Variants in DHX15 observed in about 807,000 individuals in gnomAD.
DHX15 encodes the protein DEAH-box helicase 15, also known as ATP-dependent RNA helicase DHX15.
A neutral mutation model predicts 94.4 loss-of-function variants in DHX15; 11 were observed. That is an observed-to-expected ratio of 0.12 (90% CI 0.07 to 0.19). The LOEUF (loss-of-function observed/expected upper bound fraction) is 0.19, where lower values mean the gene tolerates loss of function less well. Among genes scored for constraint, DHX15 ranks in the 10% least tolerant of loss-of-function variants. The probability of loss-of-function intolerance (pLI) is 1.00; values close to 1 mark genes in which losing one functional copy is unlikely to be tolerated. For synonymous variants in DHX15, 338 were observed against 329.9 expected, an observed-to-expected ratio of 1.02 and a Z score of -0.27; for missense variants, 304 against 988.5, an observed-to-expected ratio of 0.31 and a Z score of 9.29.
intron 9 of DHX15, 101 bp downstream of exon 9, chr4:24,540,739 G>A: frequency 1.6e-6 from 1 of 641,150 alleles, no homozygotes; most frequent in East Asian, 3.0e-5. Context: ...GATGGAAAAA[G>A]CAAAATGTAT....
chr4:24,541,217 T>C (rs1303583171), intron 8 of DHX15, among the ~76,000 whole-genome samples: 2 of 152,096 alleles, frequency 1.3e-5, no homozygotes, highest in East Asian at 1.9e-4. Flanking sequence ...AACTCGCAAT[T>C]TCCATGGTTT....
intron 2 of DHX15, among the ~76,000 whole-genome samples, chr4:24,573,111 A>G (rs1722159867): frequency 6.6e-6 from 1 of 152,122 alleles, no homozygotes; most frequent in East Asian, 1.9e-4. Flanking sequence ...GGGTTTCACC[A>G]TATTGGCCAG....
rs574253702 is a variant in DHX15 at position 24,552,187 on chromosome 4, G to A, written c.1080+2538C>T. 4.6e-5 allele frequency among the ~76,000 whole-genome samples: 7 copies of A among 152,260 alleles called. No individual in the cohort carries two copies. The South Asian group carries it at 1.2e-3, about 27-fold the overall frequency. ...AGAAACAGGTAGTGGAGGAAAAGAA[G>A]TTTCAACAGCAGCCATCTGCTTAGT... On this transcript the variant is annotated intron_variant, in intron 5 of 13. Transcript: ENST00000336812.
intron 3 of DHX15, among the ~76,000 whole-genome samples, chr4:24,558,835 A>G (rs1025336272): frequency 2.6e-5 from 4 of 152,170 alleles, no homozygotes; most frequent in Admixed American, 6.5e-5. Context: ...CAACTTTTCC[A>G]GACTCTCAAA....
intron 10 of DHX15, chr4:24,538,413 A>G (rs1449906206): frequency 6.6e-6 from 1 of 152,144 alleles, no homozygotes; most frequent in East Asian, 1.9e-4. Context: ...GTAATTCATA[A>G]AAGCACACAA....
chr4:24,539,670 G>T (rs1261918611), intron 10 of DHX15: 1 of 152,306 alleles, frequency 6.6e-6, no homozygotes, highest in Non-Finnish European at 1.5e-5. Context: ...GGTGCCATTG[G>T]AGTACATATA....
Position 24,568,938 on chromosome 4 carries a change from T to G in DHX15, c.701+1716A>C, listed in dbSNP as rs1459519567. 1.3e-5 allele frequency among the ~76,000 whole-genome samples: 2 copies of G among 152,214 alleles called. 1 individual carries two copies. On this transcript the variant is annotated intron_variant, in intron 3 of 13. Transcript: ENST00000336812. ...AAGATTAAGGTTTAAGCCAAAAATA[T>G]GTCCCATAAAGTCATAAGGATAAGC... is the stretch of plus-strand genomic sequence containing the variant.
intron 2 of DHX15, among the ~76,000 whole-genome samples, chr4:24,571,461 C>A (rs1430278022): frequency 6.6e-6 from 1 of 152,210 alleles, no homozygotes; most frequent in Non-Finnish European, 1.5e-5. Flanking sequence ...TCGTTAAGGG[C>A]AGCCAAAGGG....
intron 1 of DHX15, among the ~76,000 whole-genome samples, chr4:24,581,612 T>C (rs1179677148): frequency 6.6e-6 from 1 of 152,184 alleles, no homozygotes; most frequent in Admixed American, 6.5e-5. Flanking sequence ...CCATACAGGA[T>C]TGTAGTGAAA....
intron 10 of DHX15, chr4:24,538,243 G>C (rs1470922751): frequency 6.6e-6 from 1 of 152,136 alleles, no homozygotes; most frequent in East Asian, 1.9e-4. Context: ...GGTTCGGATA[G>C]AAGATAATGG....
At chr4:24,558,727 A>G (rs1721797137) in intron 3 of DHX15, among the ~76,000 whole-genome samples, 1 of 152,166 alleles carries the variant, frequency 6.6e-6, no homozygotes, top group African/African-American at 2.4e-5. Flanking sequence ...TGTACAATGA[A>G]TAATTTCAAG....
chr4:24,584,378 G>T lies in DHX15; in HGVS notation c.16C>A (p.Arg6=). The T allele has an allele frequency of 6.2e-7, 1 of 1,612,806 alleles. No individual in the cohort carries two copies. Among genetic ancestry groups the T allele is most frequent in the Non-Finnish European group, 8.5e-7 (1 of 1,179,500 alleles). Residue 6 remains arginine (R), a synonymous_variant, in exon 1 of 14, where the codon CGG becomes AGG. Transcript: ENST00000336812. MSKRH[R]LDLGEDYPSG... Reference sequence around the variant, plus strand: ...GGGTAATCCTCCCCTAGGTCCAACCGGTGCCGCTTGGACATCCTCGCACTC... The same window carrying T: ...GGGTAATCCTCCCCTAGGTCCAACCTGTGCCGCTTGGACATCCTCGCACTC...
intron 11 of DHX15, chr4:24,533,913 G>A (rs953660569): frequency 6.6e-6 from 1 of 152,186 alleles, no homozygotes; most frequent in African/African-American, 2.4e-5. Context: ...TTGCTACTGT[G>A]ATGTATGCTT....
At chr4:24,543,963 A>G (rs746307530) in intron 6 of DHX15, among the ~76,000 whole-genome samples, 9 of 152,144 alleles carry the variant, frequency 5.9e-5, no homozygotes, top group Non-Finnish European at 1.0e-4. Flanking sequence ...AGAAAGTGTG[A>G]GTGGCACCAA....
At chr4:24,558,154 T>C (rs1211971959) in intron 3 of DHX15, among the ~76,000 whole-genome samples, 1 of 152,142 alleles carries the variant, frequency 6.6e-6, no homozygotes, top group Non-Finnish European at 1.5e-5. Context: ...ACTCTCAGTA[T>C]ATACAGACCC....
chr4:24,573,020 C>T (rs998797221), intron 2 of DHX15, among the ~76,000 whole-genome samples: 2 of 152,182 alleles, frequency 1.3e-5, no homozygotes, highest in Non-Finnish European at 1.5e-5. Flanking sequence ...AAGTGATTCT[C>T]CTGCCTCAGC....
intron 5 of DHX15, among the ~76,000 whole-genome samples, chr4:24,550,023 G>A (rs545874221): frequency 1.6e-4 from 23 of 142,704 alleles, no homozygotes; most frequent in African/African-American, 5.0e-4. Flanking sequence ...AACCCGGGAC[G>A]CAGGAGGTTG....
Position 24,562,296 on chromosome 4 carries a change from T to A in DHX15, c.702-5886A>T, listed in dbSNP as rs752241590. Among the ~76,000 whole-genome samples, 7 of 152,304 alleles carry A rather than the reference T, an allele frequency of 4.6e-5. No homozygotes were observed. The East Asian group carries it at 5.8e-4, about 13-fold the overall frequency. On this transcript the variant is annotated intron_variant, in intron 3 of 13. Coordinates refer to ENST00000336812, the MANE Select transcript of DHX15 (RefSeq NM_001358.3). ...TATAAATGAATGGCACTGTTTAATC[T>A]GAGTAATTAGATTTACTGTTCTCCA... is the stretch of plus-strand genomic sequence containing the variant.
intron 13 of DHX15, among the ~76,000 whole-genome samples, chr4:24,528,994 CTAAAA>C (rs985037361): frequency 2.1e-5 from 3 of 143,116 alleles, no homozygotes; most frequent in Non-Finnish European, 4.7e-5. Flanking sequence ...CAAAGAAACT[CTAAAA>C]ATTAAAAAAA....
Sources: gnomAD v4.1 joint callset for allele counts (sites outside exome capture counted in the v4.1 genomes callset) on GRCh38, gnomAD v4.1.1 for gene constraint, MANE v1.5 for transcripts, NCBI Gene and HGNC (gene_info 2026-07-23, HGNC 2026-07-21) for gene names.